PCDHGA4: variants seen among roughly 807,000 people sequenced by gnomAD.
The protein encoded by PCDHGA4 is protocadherin gamma subfamily A, 4.
A neutral mutation model predicts 54.6 loss-of-function variants in PCDHGA4; 38 were observed. That is an observed-to-expected ratio of 0.70 (90% confidence interval 0.54 to 0.91). The LOEUF (loss-of-function observed/expected upper bound fraction) is 0.91, where lower values mean the gene tolerates loss of function less well. Among genes scored for constraint, PCDHGA4 ranks in the 40% least tolerant of loss-of-function variants. The pLI is 0.00. For missense variants in PCDHGA4, 1,298 were observed against 1,220.9 expected (o/e 1.06, Z -0.94); for synonymous variants, 511 against 512.9 (o/e 1.00, Z 0.05).
chr5:141,414,526 G>T, intron 1 of PCDHGA4: 1 of 1,613,912 alleles, frequency 6.2e-7, no homozygotes, highest in Non-Finnish European at 8.5e-7. Flanking sequence ...AGATATCAAT[G>T]ACAACCCACC....
chr5:141,385,219 A>C, intron 1 of PCDHGA4: 1 of 1,614,236 alleles, frequency 6.2e-7, no homozygotes, highest in Non-Finnish European at 8.5e-7. Flanking sequence ...CCCCCAGCCC[A>C]ACTATGTAGA....
intron 1 of PCDHGA4, chr5:141,372,939 G>C (rs1026338118): frequency 3.6e-6 from 3 of 824,678 alleles, no homozygotes. Flanking sequence ...GTAGAGTAGG[G>C]TGTCTAGGAA....
At chr5:141,375,843 T>A (rs762152746) in intron 1 of PCDHGA4, 20 of 1,613,928 alleles carry the variant, frequency 1.2e-5, no homozygotes, top group Non-Finnish European at 1.6e-5. Context: ...CCCGGCTACC[T>A]GGTGACCAAG....
At position 141,355,879 on chromosome 5, in the gene PCDHGA4, A is replaced by G; in HGVS notation, c.772A>G (p.Arg258Gly). The G allele has an allele frequency of 6.2e-7, 1 of 1,613,334 alleles. No individual in the cohort carries two copies. The highest frequency in any genetic ancestry group is 8.5e-7 in the Non-Finnish European group (1 of 1,179,624). Residue 258 changes from arginine (R) to glycine (G), a missense_variant, in exon 1 of 4, where the codon AGG (arginine) becomes GGG (glycine). Transcript: ENST00000571252. ...GGDPVRSGTA[R>G]ILIILVDTND... Reference sequence around the variant, plus strand: ...TGACCCGGTTCGCTCTGGCACTGCCAGGATTCTCATAATACTTGTGGATAC... The same window carrying G: ...TGACCCGGTTCGCTCTGGCACTGCCGGGATTCTCATAATACTTGTGGATAC...
intron 1 of PCDHGA4, chr5:141,394,026 G>A (rs745343207): frequency 6.2e-7 from 1 of 1,613,494 alleles, no homozygotes; most frequent in Admixed American, 1.7e-5. Context: ...TTATAGATTA[G>A]TGACAAGGAA....
chr5:141,505,616 C>A, intron 3 of PCDHGA4, 135 bp downstream of exon 3: 1 of 1,503,160 alleles, frequency 6.7e-7, no homozygotes. Flanking sequence ...CTGAAAGGAC[C>A]CACAATTCCA....
chr5:141,422,310 T>A, intron 1 of PCDHGA4: 1 of 1,546,532 alleles, frequency 6.5e-7, no homozygotes, highest in Non-Finnish European at 8.7e-7. Flanking sequence ...TGGAAAACTC[T>A]CCTCCAGGTA....
chr5:141,366,205 G>T (rs1203198525), intron 1 of PCDHGA4: 2 of 1,613,726 alleles, frequency 1.2e-6, no homozygotes, highest in Non-Finnish European at 1.7e-6. Flanking sequence ...ACACGGGCGA[G>T]GTGCGCACAG....
At chr5:141,404,924 G>A in intron 1 of PCDHGA4, 1 of 1,613,908 alleles carries the variant, frequency 6.2e-7, no homozygotes, top group South Asian at 1.1e-5. Flanking sequence ...CTCGGCCACT[G>A]TCACGCTCAC....
chr5:141,425,843 G>A (rs2096898027), intron 1 of PCDHGA4, among the ~76,000 whole-genome samples: 1 of 152,118 alleles, frequency 6.6e-6, no homozygotes, highest in African/African-American at 2.4e-5. Flanking sequence ...TCTCTTTGCT[G>A]GGTTAATGAC....
Position 141,496,029 on chromosome 5 carries a change from C to T in PCDHGA4, c.2573+1164C>T, listed in dbSNP as rs548231443. ...TTGTCTTTTTTCTCTGAGCCTCTGTCTCTGTCTCTCATTTTTTTGTGCTTG... is the reference window on the plus strand; with the variant it reads ...TTGTCTTTTTTCTCTGAGCCTCTGTTTCTGTCTCTCATTTTTTTGTGCTTG... On this transcript the variant is annotated intron_variant, in intron 2 of 3. Coordinates refer to ENST00000571252, the MANE Select transcript of PCDHGA4 (RefSeq NM_018917.4). Among the ~76,000 whole-genome samples, 3 of 152,088 alleles carry T rather than the reference C, an allele frequency of 2.0e-5. No individual in the cohort carries two copies. In the East Asian group the frequency reaches 5.8e-4, roughly 29 times the overall value.
rs781367282 is a variant in PCDHGA4 at position 141,485,525 on chromosome 5, C to G, written c.2515-9282C>G. On this transcript the variant is annotated intron_variant, in intron 1 of 3. Transcript: ENST00000571252. This position sits in a 1 kb window ranked among gnomAD's most constrained non-coding sequence, Gnocchi z 5.7. ...CACCGAAGGTCCTTTGGAAATGTAC[C>G]GAGCAGAGGTAGAGATCGTAGATGT... is the stretch of plus-strand genomic sequence containing the variant. 5 of 1,614,122 alleles carry G rather than the reference C, an allele frequency of 3.1e-6. No homozygotes were observed. The highest frequency in any genetic ancestry group is 2.5e-6 in the Non-Finnish European group (3 of 1,180,022).
In PCDHGA4 at chr5:141,491,341, G is replaced by C. The variant is rs775712620; in HGVS notation, c.2515-3466G>C. ...TTACCTCATTGTGGCTCTAGCGACC[G>C]TCAGTCTCTTATCCCTAGTCACCTT... On this transcript the variant is annotated intron_variant, in intron 1 of 3. Transcript: ENST00000571252. This position sits in a 1 kb window ranked among gnomAD's most constrained non-coding sequence, Gnocchi z 6.9. 10 of 1,614,100 alleles carry C rather than the reference G, an allele frequency of 6.2e-6. No homozygotes were observed. In the East Asian group the frequency reaches 8.9e-5, roughly 14 times the overall value.
intron 1 of PCDHGA4, chr5:141,427,795 C>A: frequency 6.7e-7 from 1 of 1,499,260 alleles, no homozygotes; most frequent in Non-Finnish European, 9.2e-7. Context: ...TCCTACGTGT[C>A]CGTGAGCGCA....
intron 1 of PCDHGA4, among the ~76,000 whole-genome samples, chr5:141,405,997 C>T (rs1589599248): frequency 6.6e-6 from 1 of 151,926 alleles, no homozygotes; most frequent in Non-Finnish European, 1.5e-5. Context: ...TAGCTCTCAG[C>T]CTGCATTGAT....
chr5:141,393,932 C>T (rs758815375), intron 1 of PCDHGA4: 1 of 1,613,916 alleles, frequency 6.2e-7, no homozygotes, highest in East Asian at 2.2e-5. Context: ...GTGTGCATGA[C>T]CAAGACTCTG....
Position 141,421,726 on chromosome 5 carries a change from T to G in PCDHGA4, c.2514+64105T>G. On this transcript the variant is annotated intron_variant, in intron 1 of 3. Transcript: ENST00000571252. The stretch of plus-strand genomic sequence containing the variant: ...TAGGGATCCAGATGTGGGCGTGAAC[T>G]CCCTCCAGAGCTACCAGCTCAGCCC... 1 of 1,613,928 alleles carries G rather than the reference T, an allele frequency of 6.2e-7. No homozygotes were observed. Among genetic ancestry groups the G allele is most frequent in the Non-Finnish European group, 8.5e-7 (1 of 1,179,852 alleles).
intron 1 of PCDHGA4, chr5:141,419,732 G>A (rs2096422854): frequency 6.2e-7 from 1 of 1,613,792 alleles, no homozygotes; most frequent in Non-Finnish European, 8.5e-7. Flanking sequence ...GCGAACAGGC[G>A]AGGTGCGCAT....
chr5:141,398,888 A>G (rs2093720509), intron 1 of PCDHGA4: 2 of 1,613,968 alleles, frequency 1.2e-6, no homozygotes, highest in East Asian at 4.5e-5. Context: ...CTTCGGGAAA[A>G]CGTGCCACCA....
Sources: gnomAD v4.1 joint callset for allele counts (sites outside exome capture counted in the v4.1 genomes callset) on GRCh38, gnomAD v4.1.1 for gene constraint, Gnocchi (gnomAD v3.1) non-coding constraint, MANE v1.5 for transcripts, NCBI Gene and HGNC (gene_info 2026-07-23, HGNC 2026-07-21) for gene names.